The following ATP1B3 variants were observed in gnomAD, a reference collection of about 807,000 sequenced individuals.
The protein encoded by ATP1B3 is sodium/potassium-transporting ATPase subunit beta-3.
In ATP1B3, 10 loss-of-function variants were observed where a neutral mutation model predicts 30.2. The observed-to-expected ratio is 0.33, with a 90% confidence interval of 0.20 to 0.56. ATP1B3 has a LOEUF of 0.56. Ranked by LOEUF, ATP1B3 falls within the 20% of genes least tolerant of loss-of-function variation. ATP1B3 has a pLI of 0.90. For synonymous variants in ATP1B3, 113 were observed against 117.0 expected (o/e 0.97, Z 0.22); for missense variants, 238 against 336.7 (o/e 0.71, Z 2.29).
intron 3 of ATP1B3, among the ~76,000 whole-genome samples, chr3:141,910,575 C>T (rs1362042305): frequency 6.6e-6 from 1 of 151,968 alleles, no homozygotes; most frequent in African/African-American, 2.4e-5. Flanking sequence ...TATAGATACT[C>T]TCTTCTGACT....
chr3:141,913,599 G>T, intron 3 of ATP1B3, 53 bp from the exon 4 acceptor site: 3 of 1,434,008 alleles, frequency 2.1e-6, no homozygotes, highest in Non-Finnish European at 1.9e-6. Flanking sequence ...ATTCCTGGTT[G>T]TTTTTAGTAC....
intron 1 of ATP1B3, among the ~76,000 whole-genome samples, chr3:141,900,861 C>T (rs113623438): frequency 6.6e-6 from 1 of 152,120 alleles, no homozygotes; most frequent in African/African-American, 2.4e-5. Flanking sequence ...CGGCTCACTG[C>T]AGCCTCTGCC....
intron 3 of ATP1B3, among the ~76,000 whole-genome samples, chr3:141,908,068 C>CTTTTTT (rs56374653): frequency 4.7e-3 from 512 of 108,898 alleles, no homozygotes; most frequent in East Asian, 7.7e-3. Flanking sequence ...GCCAGGCATT[C>CTTTTTT]TTTTTTTTTT....
At chr3:141,913,894 C>A in intron 4 of ATP1B3, 58 bp downstream of exon 4, 1 of 1,471,546 alleles carries the variant, frequency 6.8e-7, no homozygotes, top group Non-Finnish European at 9.1e-7. Flanking sequence ...TTTAAGGAGG[C>A]AACTATTTTT....
intron 1 of ATP1B3, among the ~76,000 whole-genome samples, chr3:141,888,677 C>T (rs1247308651): frequency 6.6e-6 from 1 of 152,066 alleles, no homozygotes; most frequent in Non-Finnish European, 1.5e-5. Context: ...TCCCCACATG[C>T]CATGGGAGGA....
In ATP1B3 at chr3:141,913,746, T is replaced by C; in HGVS notation, c.441T>C (p.Pro147=). ...CAGTTTATGTTGCATGTCAGTTTCC[T>C]ATTTCATTACTTCAAGCATGCAGTG... The part of the protein sequence containing the change: ...KGPVYVACQF[P]ISLLQACSGM... The change falls in exon 4 of 7, where the codon CCT becomes CCC. Residue 147 remains proline, a synonymous_variant. Coordinates refer to ENST00000286371, the MANE Select transcript of ATP1B3 (RefSeq NM_001679.4). 1 of 1,614,104 alleles carries C rather than the reference T, an allele frequency of 6.2e-7. No homozygotes were observed. The highest frequency in any genetic ancestry group is 8.5e-7 in the Non-Finnish European group (1 of 1,179,980).
chr3:141,922,522 A>G (rs1346179462), intron 6 of ATP1B3, among the ~76,000 whole-genome samples: 2 of 151,842 alleles, frequency 1.3e-5, no homozygotes, highest in Admixed American at 1.3e-4. Flanking sequence ...GCGTGGTGAC[A>G]TGTGCCTGTA....
At chr3:141,880,216 C>T (rs1933696885) in intron 1 of ATP1B3, among the ~76,000 whole-genome samples, 2 of 152,094 alleles carry the variant, frequency 1.3e-5, no homozygotes, top group Non-Finnish European at 1.5e-5. Flanking sequence ...CATTGCATTG[C>T]CTTATTTAAA....
intron 6 of ATP1B3, among the ~76,000 whole-genome samples, chr3:141,924,024 T>C (rs556948370): frequency 4.8e-4 from 73 of 152,314 alleles, no homozygotes; most frequent in African/African-American, 1.7e-3. Context: ...CTGTCATCAA[T>C]AAGTATCATG....
intron 3 of ATP1B3, among the ~76,000 whole-genome samples, chr3:141,911,117 CTTCAG>C (rs372669903): frequency 4.0e-4 from 60 of 151,848 alleles, no homozygotes; most frequent in African/African-American, 1.4e-3. Context: ...GACTTAAGTT[CTTCAG>C]TTCAGGGGAA....
At chr3:141,903,801 G>A (rs1333778936) in intron 2 of ATP1B3, 53 bp downstream of exon 2, 13 of 1,574,630 alleles carry the variant, frequency 8.3e-6, no homozygotes, top group South Asian at 7.9e-5. Context: ...TTTTTTTTGA[G>A]ACAGAGTTTC....
chr3:141,901,209 C>T (rs1185958278), intron 1 of ATP1B3, among the ~76,000 whole-genome samples: 1 of 152,184 alleles, frequency 6.6e-6, no homozygotes, highest in African/African-American at 2.4e-5. Flanking sequence ...CATCAAGTAG[C>T]ACTGAGGCGG....
chr3:141,925,194 T>C (rs1934634986), intron 6 of ATP1B3, among the ~76,000 whole-genome samples: 1 of 151,904 alleles, frequency 6.6e-6, no homozygotes, highest in South Asian at 2.1e-4. Flanking sequence ...AAGCCACGTA[T>C]GGTGGCTCAC....
chr3:141,922,972 GA>G (rs1315359060), intron 6 of ATP1B3, among the ~76,000 whole-genome samples: 1 of 142,164 alleles, frequency 7.0e-6, no homozygotes, highest in Non-Finnish European at 1.5e-5. Context: ...TCTCAAAAAA[GA>G]AAAAAAATCA....
At chr3:141,877,216 G>GGAAGCCGGGGACCCCTGCCC (rs1178255316) in intron 1 of ATP1B3, among the ~76,000 whole-genome samples, 4 of 113,472 alleles carry the variant, frequency 3.5e-5, no homozygotes, top group Admixed American at 2.6e-4. Context: ...GCGCGGCGCC[G>GGAAGCCGGGGACCCCTGCCC]GAAGCCGGGG....
At chr3:141,888,418 A>G (rs943802503) in intron 1 of ATP1B3, among the ~76,000 whole-genome samples, 6 of 152,060 alleles carry the variant, frequency 3.9e-5, no homozygotes, top group Non-Finnish European at 8.8e-5. Flanking sequence ...GTTCTTGTCT[A>G]CCTTTACCTG....
chr3:141,911,989 C>T (rs1934370164), intron 3 of ATP1B3, among the ~76,000 whole-genome samples: 1 of 152,152 alleles, frequency 6.6e-6, no homozygotes, highest in Non-Finnish European at 1.5e-5. Flanking sequence ...CTGACCTATA[C>T]CAACAGAGTC....
intron 1 of ATP1B3, among the ~76,000 whole-genome samples, chr3:141,884,497 G>A (rs1193962371): frequency 1.3e-5 from 2 of 152,180 alleles, no homozygotes; most frequent in African/African-American, 4.8e-5. Flanking sequence ...TTGGGTTGAA[G>A]GATAGAAAGT....
chr3:141,907,052 A>G, intron 2 of ATP1B3, 115 bp from the exon 3 acceptor site: 1 of 653,320 alleles, frequency 1.5e-6, no homozygotes, highest in African/African-American at 1.9e-5. Context: ...TGATAGTTTC[A>G]GCATACTGTC....
Sources: gnomAD v4.1 joint callset for allele counts (sites outside exome capture counted in the v4.1 genomes callset) on GRCh38, gnomAD v4.1.1 for gene constraint, MANE v1.5 for transcripts, NCBI Gene and HGNC (gene_info 2026-07-23, HGNC 2026-07-21) for gene names.